Variants in FER observed in about 807,000 individuals in gnomAD.
The protein encoded by FER is FER tyrosine kinase.
In FER, 63 loss-of-function variants were observed where a neutral mutation model predicts 111.0. The ratio of observed to expected loss-of-function variants is 0.57; its 90% CI spans 0.46 to 0.70. The LOEUF (loss-of-function observed/expected upper bound fraction) is 0.70, where lower values mean the gene tolerates loss of function less well. Ranked by LOEUF, FER falls within the 30% of genes least tolerant of loss-of-function variation. The pLI, the probability that FER is intolerant of heterozygous loss-of-function variation, is 0.00. For missense variants in FER, 914 were observed against 954.0 expected (o/e 0.96, Z 0.55); for synonymous variants, 327 against 313.9 (o/e 1.04, Z -0.44).
chr5:109,000,613 C>G (rs1168507042), intron 13 of FER, among the ~76,000 whole-genome samples: 2 of 152,004 alleles, frequency 1.3e-5, no homozygotes, highest in Non-Finnish European at 2.9e-5. Flanking sequence ...CAAGAGCAAA[C>G]ACATTCAAAA....
chr5:109,055,656 G>A (rs1055549334), intron 16 of FER, among the ~76,000 whole-genome samples: 8 of 151,222 alleles, frequency 5.3e-5, no homozygotes, highest in African/African-American at 1.7e-4. Context: ...ACATGGTGAC[G>A]TGTGCCTGTA....
At position 108,948,130 on chromosome 5, in the gene FER, T is replaced by A. The variant is rs76548526; in HGVS notation, c.1329+1908T>A. ...TTTTAGATAAAGTAAAGCAAATGCATTATATATAGGAAAATGAAATTAGAA... is the reference window on the plus strand; with the variant it reads ...TTTTAGATAAAGTAAAGCAAATGCAATATATATAGGAAAATGAAATTAGAA... On this transcript the variant is annotated intron_variant, in intron 11 of 19. Transcript: ENST00000281092. Among the ~76,000 whole-genome samples the A allele has an allele frequency of 1.0e-2, 1,521 of 152,144 alleles. 22 individuals carry two copies. Among genetic ancestry groups the A allele is most frequent in the African/African-American group, 0.035 (1,452 of 41,532 alleles).
At chr5:109,018,905 T>C (rs1240122506) in intron 13 of FER, among the ~76,000 whole-genome samples, 5 of 151,598 alleles carry the variant, frequency 3.3e-5, no homozygotes, top group Non-Finnish European at 5.9e-5. Flanking sequence ...GAAACCTTGA[T>C]TACTGTGGGT....
chr5:108,955,083 A>G (rs1404394627), intron 12 of FER, 151 bp downstream of exon 12: 2 of 510,906 alleles, frequency 3.9e-6, no homozygotes, highest in Non-Finnish European at 6.7e-6. Flanking sequence ...CAGTGCTTCA[A>G]AATGTACTAA....
chr5:109,180,849 T>C lies in FER; in HGVS notation c.2151T>C (p.Ser717=). 1 of 1,613,748 alleles carries C rather than the reference T, an allele frequency of 6.2e-7. No individual in the cohort carries two copies. Among genetic ancestry groups the C allele is most frequent in the East Asian group, 2.2e-5 (1 of 44,846 alleles). The change falls in exon 18 of 20, where the codon TCT becomes TCC. Residue 717 remains serine (S), a synonymous_variant. Transcript: ENST00000281092. ...AGGATGGTGGAGTGTATTCATCTTC[T>C]GGCTTAAAGCAGATTCCCATTAAAT... ...RQEDGGVYSS[S]GLKQIPIKWT...
At chr5:108,846,028 GT>G (rs1761994421) in intron 5 of FER, among the ~76,000 whole-genome samples, 1 of 152,142 alleles carries the variant, frequency 6.6e-6, no homozygotes, top group African/African-American at 2.4e-5. Flanking sequence ...GATTTGCTAA[GT>G]TTTTGTTTAT....
intron 10 of FER, among the ~76,000 whole-genome samples, chr5:108,933,363 T>C (rs1581263356): frequency 6.6e-6 from 1 of 152,316 alleles, no homozygotes; most frequent in Middle Eastern, 3.4e-3. Context: ...CCTTTCCCCA[T>C]TGCTTGTTTT....
intron 17 of FER, among the ~76,000 whole-genome samples, chr5:109,129,942 A>G (rs188976619): frequency 1.4e-3 from 212 of 152,188 alleles, no homozygotes; most frequent in African/African-American, 5.0e-3. Context: ...ACTATTGAGA[A>G]ATAATAACAA....
At chr5:109,003,192 C>G (rs1328204357) in intron 13 of FER, among the ~76,000 whole-genome samples, 4 of 152,166 alleles carry the variant, frequency 2.6e-5, no homozygotes, top group East Asian at 1.9e-4. Flanking sequence ...GCACTATTCA[C>G]AATAGCAAAG....
chr5:108,874,808 T>C (rs1194588896), intron 8 of FER, among the ~76,000 whole-genome samples: 1 of 152,106 alleles, frequency 6.6e-6, no homozygotes, highest in African/African-American at 2.4e-5. Flanking sequence ...ATATTCTTCT[T>C]TGGCAATTAA....
In FER at chr5:109,192,758, C is replaced by T. The variant is rs1759465531; in HGVS notation, c.*5183C>T. The T allele has an allele frequency of 6.6e-6, 1 of 152,074 alleles. No individual in the cohort carries two copies. The highest frequency in any genetic ancestry group is 2.1e-4 in the South Asian group (1 of 4,832). The allele number at this position is 152,074 out of a possible 1,614,324, so 9.4% of individuals were successfully genotyped here. A position where few individuals can be genotyped will look rare whatever the true frequency, so the allele number is the denominator to read the frequency against. On this transcript the variant is annotated 3_prime_UTR_variant, in exon 20 of 20. Transcript: ENST00000281092. ...TGGACTAACGTTGACTAAATGGCTCCTAGAGTTACCCACAGAGGGAGCTTA... is the reference window on the plus strand; with the variant it reads ...TGGACTAACGTTGACTAAATGGCTCTTAGAGTTACCCACAGAGGGAGCTTA...
chr5:108,914,259 G>A (rs1255527148), intron 10 of FER, among the ~76,000 whole-genome samples: 5 of 151,094 alleles, frequency 3.3e-5, no homozygotes, highest in Non-Finnish European at 5.9e-5. Flanking sequence ...GTGTGTGTGT[G>A]TGTATGTGTT....
At chr5:109,037,601 A>G in intron 14 of FER, 123 bp downstream of exon 14, 1 of 656,278 alleles carries the variant, frequency 1.5e-6, no homozygotes, top group African/African-American at 1.8e-5. Context: ...ATTAACTAGA[A>G]CACAATGCTA....
chr5:109,053,505 T>TTACTAC (rs1773142961), intron 16 of FER, among the ~76,000 whole-genome samples: 1 of 152,096 alleles, frequency 6.6e-6, no homozygotes, highest in Non-Finnish European at 1.5e-5. Context: ...CTTCTACCTT[T>TTACTAC]TACTACCCTG....
intron 17 of FER, among the ~76,000 whole-genome samples, chr5:109,177,294 G>A (rs1210297597): frequency 4.0e-5 from 6 of 151,882 alleles, no homozygotes; most frequent in Non-Finnish European, 8.8e-5. Flanking sequence ...CTGGGTTGTT[G>A]GTTTTATGCC....
chr5:108,825,422 A>C (rs571491194), intron 3 of FER, among the ~76,000 whole-genome samples: 2 of 152,226 alleles, frequency 1.3e-5, no homozygotes, highest in Non-Finnish European at 2.9e-5. Context: ...GAAAGAAGAG[A>C]AATATGGCTC....
At chr5:108,928,596 T>G (rs1754116341) in intron 10 of FER, among the ~76,000 whole-genome samples, 2 of 152,130 alleles carry the variant, frequency 1.3e-5, no homozygotes, top group Admixed American at 1.3e-4. Flanking sequence ...TTGTTTAGTT[T>G]TAGGTACTGC....
intron 10 of FER, among the ~76,000 whole-genome samples, chr5:108,937,249 G>A (rs1755591463): frequency 1.3e-5 from 2 of 151,814 alleles, no homozygotes; most frequent in South Asian, 4.2e-4. Flanking sequence ...GTGTGCTTGG[G>A]CCTCTAGATA....
chr5:108,907,535 C>T (rs1750961500), intron 10 of FER, among the ~76,000 whole-genome samples: 1 of 151,798 alleles, frequency 6.6e-6, no homozygotes. Flanking sequence ...CTTAGGGATC[C>T]ACCCGCCTCG....
Sources: gnomAD v4.1 joint callset for allele counts (sites outside exome capture counted in the v4.1 genomes callset) on GRCh38, gnomAD v4.1.1 for gene constraint, MANE v1.5 for transcripts, NCBI Gene and HGNC (gene_info 2026-07-23, HGNC 2026-07-21) for gene names.